The following CHST9 variants were observed in gnomAD, a reference collection of about 807,000 sequenced individuals.
CHST9 encodes GalNAc-4-sulfotransferase 2.
Under a neutral mutation model 44.4 loss-of-function variants are expected in CHST9, and 41 were observed. That is an observed-to-expected ratio of 0.92 (90% CI 0.72 to 1.20). CHST9 has a LOEUF of 1.20. Ranked by LOEUF, CHST9 falls within the 50% of genes most tolerant of loss-of-function variation. The pLI, the probability that CHST9 is intolerant of heterozygous loss-of-function variation, is 0.00. For missense variants in CHST9, 504 were observed against 516.5 expected, an observed-to-expected ratio of 0.98 and a Z score of 0.23; for synonymous variants, 171 against 178.4, an observed-to-expected ratio of 0.96 and a Z score of 0.33.
chr18:27,100,468 G>A lies in CHST9; in HGVS notation c.121+42221C>T, dbSNP rs187123380. 1.2e-4 allele frequency among the ~76,000 whole-genome samples: 18 copies of A among 152,282 alleles called. No individual in the cohort carries two copies. In the East Asian group the frequency reaches 2.5e-3, roughly 21 times the overall value. On this transcript the variant is annotated intron_variant, in intron 2 of 5. Coordinates refer to ENST00000618847, the MANE Select transcript of CHST9 (RefSeq NM_031422.6). ...AGCAGTAAAGAAGGGAGTCAAGCAA[G>A]TTAAAAACACACACCTATGGAAGGA... is the stretch of plus-strand genomic sequence containing the variant.
chr18:27,174,442 T>A (rs2058853452), intron 1 of CHST9, among the ~76,000 whole-genome samples: 2 of 151,966 alleles, frequency 1.3e-5, no homozygotes. Context: ...AAAAAATACA[T>A]GATTTCAATT....
At chr18:27,124,144 A>G (rs2058399751) in intron 2 of CHST9, among the ~76,000 whole-genome samples, 1 of 152,240 alleles carries the variant, frequency 6.6e-6, no homozygotes, top group South Asian at 2.1e-4. Context: ...ATGAATATTT[A>G]AGAAATCCAG....
chr18:27,121,641 G>A (rs1434118836), intron 2 of CHST9, among the ~76,000 whole-genome samples: 1 of 152,220 alleles, frequency 6.6e-6, no homozygotes, highest in Non-Finnish European at 1.5e-5. Flanking sequence ...GAACTTCCCA[G>A]TGGGTATCTT....
At chr18:27,135,139 T>C (rs1184600402) in intron 2 of CHST9, among the ~76,000 whole-genome samples, 1 of 152,190 alleles carries the variant, frequency 6.6e-6, no homozygotes, top group Non-Finnish European at 1.5e-5. Flanking sequence ...TAAGACATCA[T>C]GTTGTGTACC....
chr18:27,005,025 G>A (rs1375136460), intron 4 of CHST9, among the ~76,000 whole-genome samples: 1 of 152,134 alleles, frequency 6.6e-6, no homozygotes, highest in Non-Finnish European at 1.5e-5. Context: ...GCACAGACAT[G>A]AAGAATGACA....
At chr18:27,030,175 G>C (rs2143489574) in intron 3 of CHST9, among the ~76,000 whole-genome samples, 1 of 152,260 alleles carries the variant, frequency 6.6e-6, no homozygotes, top group East Asian at 1.9e-4. Flanking sequence ...AAAAGGTCAA[G>C]CTCTCAAATG....
chr18:27,163,367 G>A (rs972145426), intron 1 of CHST9, among the ~76,000 whole-genome samples: 6 of 152,224 alleles, frequency 3.9e-5, no homozygotes, highest in African/African-American at 1.4e-4. Context: ...TAAGTCTGCA[G>A]AGGATTCTGC....
At chr18:27,065,526 G>C (rs2057772281) in intron 2 of CHST9, among the ~76,000 whole-genome samples, 1 of 150,924 alleles carries the variant, frequency 6.6e-6, no homozygotes, top group South Asian at 2.1e-4. Context: ...CCAGTTGGGA[G>C]AGAGTGGAGA....
chr18:27,014,289 G>A (rs796984462), intron 4 of CHST9, among the ~76,000 whole-genome samples: 20 of 151,730 alleles, frequency 1.3e-4, no homozygotes, highest in African/African-American at 4.3e-4. Flanking sequence ...TTTAGCCTCA[G>A]GAGGTATGAA....
At chr18:27,175,643 T>C (rs1277541388) in intron 1 of CHST9, among the ~76,000 whole-genome samples, 1 of 152,060 alleles carries the variant, frequency 6.6e-6, no homozygotes, top group African/African-American at 2.4e-5. Context: ...TTTATTAGAA[T>C]GTGAGGGTGG....
rs2055411138 is a variant in CHST9, at chr18:26,909,455, C to T, written c.*6804G>A. The T allele has an allele frequency of 1.3e-5, 2 of 151,958 alleles. No homozygotes were observed. The highest frequency in any genetic ancestry group is 2.4e-5 in the African/African-American group (1 of 41,378). The allele number at this position is 151,958 out of a possible 1,614,324, so 9.4% of individuals were successfully genotyped here. A position where few individuals can be genotyped will look rare whatever the true frequency, so the allele number is the denominator to read the frequency against. Reference sequence around the variant, plus strand: ...AAATTAGGTTAATTCTGATACAGGTCGTCCATACACTATTTTTTTCAGAAA... The same window carrying T: ...AAATTAGGTTAATTCTGATACAGGTTGTCCATACACTATTTTTTTCAGAAA... On this transcript the variant is annotated 3_prime_UTR_variant, in exon 6 of 6. Transcript: ENST00000618847.
intron 4 of CHST9, among the ~76,000 whole-genome samples, chr18:27,012,564 T>C (rs1199417967): frequency 6.6e-6 from 1 of 152,072 alleles, no homozygotes; most frequent in Non-Finnish European, 1.5e-5. Context: ...ATTGGATCCA[T>C]ACAGTTTAAA....
intron 2 of CHST9, among the ~76,000 whole-genome samples, chr18:27,062,702 T>C (rs1246125322): frequency 6.6e-6 from 1 of 152,166 alleles, no homozygotes. Flanking sequence ...GGTCAAATGG[T>C]ATTTCTAGTT....
At chr18:27,099,575 A>G (rs2058150861) in intron 2 of CHST9, among the ~76,000 whole-genome samples, 1 of 152,210 alleles carries the variant, frequency 6.6e-6, no homozygotes, top group African/African-American at 2.4e-5. Flanking sequence ...ACTTCTCAAA[A>G]GAGTACATAC....
intron 4 of CHST9, among the ~76,000 whole-genome samples, chr18:26,998,541 C>T (rs1239098420): frequency 6.6e-6 from 1 of 151,996 alleles, no homozygotes; most frequent in African/African-American, 2.4e-5. Flanking sequence ...GCCTGGCCAA[C>T]ATGGCGAAAC....
At chr18:27,033,675 G>T (rs2057363604) in intron 3 of CHST9, among the ~76,000 whole-genome samples, 1 of 151,960 alleles carries the variant, frequency 6.6e-6, no homozygotes, top group South Asian at 2.1e-4. Context: ...GCCTTTTCTG[G>T]GTAATCTCAT....
rs1245281775 is a variant in CHST9, at chr18:27,088,794, T to C, written c.122-40291A>G. The stretch of plus-strand genomic sequence containing the variant: ...AGTAAATTTAATGCCATCTTCGAGA[T>C]AGATGCACAGATTTAGGGACATGCT... On this transcript the variant is annotated intron_variant, in intron 2 of 5. Coordinates refer to ENST00000618847, the MANE Select transcript of CHST9 (RefSeq NM_031422.6). Among the ~76,000 whole-genome samples the C allele has an allele frequency of 2.0e-5, 3 of 152,146 alleles. No homozygotes were observed. The South Asian group carries it at 6.2e-4, about 32-fold the overall frequency.
At position 27,001,017 on chromosome 18, in the gene CHST9, G is replaced by A. The variant is rs574147865; in HGVS notation, c.202+23099C>T. Among the ~76,000 whole-genome samples the A allele has an allele frequency of 3.3e-5, 5 of 152,304 alleles. No homozygotes were observed. The South Asian group carries it at 6.2e-4, about 19-fold the overall frequency. On this transcript the variant is annotated intron_variant, in intron 4 of 5. Transcript: ENST00000618847. ...TGGGATATGAGCAACCCACATTGGA[G>A]ATCAGTGCCCCCAAAGGTTATAAAG...
At chr18:27,011,834 G>T (rs1473411955) in intron 4 of CHST9, among the ~76,000 whole-genome samples, 1 of 152,190 alleles carries the variant, frequency 6.6e-6, no homozygotes, top group Admixed American at 6.5e-5. Context: ...TCCTCTTCAG[G>T]AGAGTTCCCA....
Sources: gnomAD v4.1 joint callset for allele counts (sites outside exome capture counted in the v4.1 genomes callset) on GRCh38, gnomAD v4.1.1 for gene constraint, MANE v1.5 for transcripts, NCBI Gene and HGNC (gene_info 2026-07-23, HGNC 2026-07-21) for gene names.